DNAH3: variants seen among roughly 807,000 people sequenced by gnomAD.
DNAH3 encodes dynein axonemal heavy chain 3, also known as axonemal beta dynein heavy chain 3.
DNAH3 carries 332 observed loss-of-function variants against 432.5 expected under a neutral mutation model. The observed-to-expected ratio is 0.77, with a 90% CI of 0.70 to 0.84. The LOEUF (loss-of-function observed/expected upper bound fraction) is 0.84, where lower values mean the gene tolerates loss of function less well. DNAH3 is among the 40% of genes least tolerant of loss of function. DNAH3 has a pLI of 0.00. For missense variants in DNAH3, 4,861 were observed against 5,114.0 expected (o/e 0.95, Z 1.51); for synonymous variants, 1,956 against 1,900.2 (o/e 1.03, Z -0.76).
At chr16:20,944,256 T>C (rs545416905) in intron 58 of DNAH3, among the ~76,000 whole-genome samples, 6 of 152,126 alleles carry the variant, frequency 3.9e-5, no homozygotes, top group Non-Finnish European at 8.8e-5. Context: ...GATAGGTGGA[T>C]ATAGCAGAAA....
chr16:20,947,107 G>A (rs1008800796), intron 57 of DNAH3, among the ~76,000 whole-genome samples: 7 of 152,068 alleles, frequency 4.6e-5, no homozygotes, highest in Non-Finnish European at 8.8e-5. Flanking sequence ...TTACAGGCAT[G>A]AGCCACTGCA....
intron 18 of DNAH3, among the ~76,000 whole-genome samples, chr16:21,089,914 A>T (rs975975418): frequency 2.6e-5 from 4 of 152,116 alleles, no homozygotes; most frequent in Non-Finnish European, 1.5e-5. Flanking sequence ...CCTAAAAAAA[A>T]GATAAACTTC....
chr16:21,048,482 C>CT (rs1434547965), intron 31 of DNAH3, among the ~76,000 whole-genome samples: 1 of 152,202 alleles, frequency 6.6e-6, no homozygotes, highest in Non-Finnish European at 1.5e-5. Context: ...AGAAAGGGAA[C>CT]TCCCTGACCC....
At chr16:21,000,141 T>A in intron 43 of DNAH3, 83 bp downstream of exon 43, 3 of 1,433,224 alleles carry the variant, frequency 2.1e-6, no homozygotes, top group Non-Finnish European at 2.9e-6. Context: ...GTATGTACAG[T>A]GGCACCACAA....
intron 14 of DNAH3, among the ~76,000 whole-genome samples, chr16:21,107,292 G>A (rs2091970727): frequency 7.3e-6 from 1 of 136,800 alleles, no homozygotes; most frequent in African/African-American, 2.7e-5. Flanking sequence ...ACCCAGGCTG[G>A]ATTACAGTGG....
Position 21,000,208 on chromosome 16 carries a change from C to T in DNAH3, c.6421+16G>A, listed in dbSNP as rs1429114977. 1 of 1,608,352 alleles carries T rather than the reference C, an allele frequency of 6.2e-7. No homozygotes were observed. Among genetic ancestry groups the T allele is most frequent in the East Asian group, 2.2e-5 (1 of 44,820 alleles). The stretch of plus-strand genomic sequence containing the variant: ...GGAAGAATCTGGTTGTGTCCAGACC[C>T]AGCCCAATGCCTTACCCACAAACAC... On this transcript the variant is annotated intron_variant, in intron 43 of 61. Coordinates refer to ENST00000261383, the Ensembl canonical transcript of DNAH3.
intron 44 of DNAH3, among the ~76,000 whole-genome samples, chr16:20,991,732 C>G (rs1051908016): frequency 1.3e-5 from 2 of 152,160 alleles, no homozygotes; most frequent in African/African-American, 4.8e-5. Context: ...CCTCTGTCCT[C>G]TGTATTTCCT....
exon 3 of DNAH3, chr16:21,145,282 A>C (rs2092768665): frequency 6.2e-7 from 1 of 1,614,086 alleles, no homozygotes; most frequent in East Asian, 2.2e-5. Context: ...CTGGGCCATC[A>C]AGGAGTAGTT....
exon 19 of DNAH3, chr16:21,086,889 A>G: frequency 6.2e-7 from 1 of 1,614,212 alleles, no homozygotes; most frequent in Non-Finnish European, 8.5e-7. Context: ...GTTGCAGGAA[A>G]TACTGAGGAT....
chr16:21,016,726 T>A (rs889639432), intron 41 of DNAH3, among the ~76,000 whole-genome samples: 1 of 152,224 alleles, frequency 6.6e-6, no homozygotes. Context: ...AGCAGCTTTA[T>A]TCGCAATAGC....
rs564024577 is a variant in DNAH3, at chr16:21,057,805, G to A, written c.3924+281C>T. ...GGAGGTCTCCCCTGGTGGAAATTCTGCCAGGTTAGCCCCCAGAAGCCAAGG... is the reference window on the plus strand; with the variant it reads ...GGAGGTCTCCCCTGGTGGAAATTCTACCAGGTTAGCCCCCAGAAGCCAAGG... On this transcript the variant is annotated intron_variant, in intron 27 of 61. Transcript: ENST00000261383. Among the ~76,000 whole-genome samples the A allele has an allele frequency of 1.6e-4, 24 of 152,242 alleles. No individual in the cohort carries two copies. In the East Asian group the frequency reaches 4.6e-3, roughly 29 times the overall value.
Position 20,947,056 on chromosome 16 carries a change from C to T in DNAH3, c.11343+1427G>A, listed in dbSNP as rs139884941. Among the ~76,000 whole-genome samples, 135 of 151,930 alleles carry T rather than the reference C, an allele frequency of 8.9e-4. 3 individuals are homozygous for T. The highest frequency in any genetic ancestry group is 7.9e-3 in the Admixed American group (120 of 15,242). On this transcript the variant is annotated intron_variant, in intron 57 of 61. Transcript: ENST00000261383. ...GCCAGGCTGGTCTCAAACTCCTGACCCCAAGCCATCCACCAGCCTCAGCCT... is the reference window on the plus strand; with the variant it reads ...GCCAGGCTGGTCTCAAACTCCTGACTCCAAGCCATCCACCAGCCTCAGCCT...
chr16:21,058,310 A>C, intron 26 of DNAH3, 114 bp from the exon 27 acceptor site: 2 of 597,266 alleles, frequency 3.3e-6, no homozygotes, highest in East Asian at 3.0e-5. Context: ...ATCTTCCCCC[A>C]TCCTCAGACG....
intron 16 of DNAH3, among the ~76,000 whole-genome samples, chr16:21,103,344 GGT>G (rs536337545): frequency 1.4e-5 from 2 of 139,980 alleles, no homozygotes; most frequent in Admixed American, 7.4e-5. Flanking sequence ...GGGTGTAGAG[GGT>G]GTGTGTGTGG....
intron 56 of DNAH3, among the ~76,000 whole-genome samples, chr16:20,952,082 T>G (rs2084340872): frequency 6.6e-6 from 1 of 152,048 alleles, no homozygotes; most frequent in Admixed American, 6.6e-5. Flanking sequence ...TTCAATATGT[T>G]GGTCGGGCTG....
intron 1 of DNAH3, among the ~76,000 whole-genome samples, chr16:21,149,734 G>A (rs2152835412): frequency 6.6e-6 from 1 of 152,284 alleles, no homozygotes; most frequent in Non-Finnish European, 1.5e-5. Flanking sequence ...TAATGGGCTT[G>A]GAAGGGAAGG....
exon 31 of DNAH3, chr16:21,049,640 T>C (rs1473173973): frequency 1.9e-6 from 3 of 1,614,048 alleles, no homozygotes; most frequent in Non-Finnish European, 2.5e-6. Context: ...AACTTCCCCA[T>C]AGCTTTGTAA....
At chr16:21,120,334 G>A (rs1434421538) in intron 11 of DNAH3, among the ~76,000 whole-genome samples, 1 of 152,000 alleles carries the variant, frequency 6.6e-6, no homozygotes, top group African/African-American at 2.4e-5. Flanking sequence ...CTGGCCTCAA[G>A]CAATCTTCCT....
At chr16:21,110,420 G>A (rs995222094) in intron 14 of DNAH3, among the ~76,000 whole-genome samples, 1 of 152,244 alleles carries the variant, frequency 6.6e-6, no homozygotes, top group African/African-American at 2.4e-5. Flanking sequence ...TGCCTCCTCT[G>A]GATAGGAATC....
Sources: gnomAD v4.1 joint callset for allele counts (sites outside exome capture counted in the v4.1 genomes callset) on GRCh38, gnomAD v4.1.1 for gene constraint, MANE v1.5 for transcripts, NCBI Gene and HGNC (gene_info 2026-07-23, HGNC 2026-07-21) for gene names.